KDM2B: variants seen among roughly 807,000 people sequenced by gnomAD.
KDM2B encodes the protein lysine-specific demethylase 2B.
A neutral mutation model predicts 150.0 loss-of-function variants in KDM2B; 26 were observed. That is an observed-to-expected ratio of 0.17 (90% CI 0.13 to 0.24). The LOEUF is 0.24. Ranked by LOEUF, KDM2B falls within the 10% of genes least tolerant of loss-of-function variation. The pLI, the probability that KDM2B is intolerant of heterozygous loss-of-function variation, is 1.00. For synonymous variants in KDM2B, 734 were observed against 729.5 expected (o/e 1.01, Z -0.10); for missense variants, 1,265 against 1,816.9 (o/e 0.70, Z 5.52).
intron 8 of KDM2B, among the ~76,000 whole-genome samples, chr12:121,528,687 G>GT (rs1555307309): frequency 6.6e-6 from 1 of 152,164 alleles, no homozygotes; most frequent in Non-Finnish European, 1.5e-5. Flanking sequence ...GAGGTCAGGA[G>GT]TTTGAGACCA....
intron 13 of KDM2B, among the ~76,000 whole-genome samples, chr12:121,448,860 G>A (rs1047694393): frequency 2.0e-5 from 3 of 152,152 alleles, no homozygotes; most frequent in Non-Finnish European, 2.9e-5. Context: ...ACATTAAGTC[G>A]CTGAAATCCA....
downstream of KDM2B, among the ~76,000 whole-genome samples, chr12:121,427,860 A>G (rs1195461732): frequency 3.3e-5 from 5 of 152,182 alleles, no homozygotes; most frequent in Admixed American, 1.3e-4. Context: ...GCTACTAATG[A>G]GTGACTACGG....
intron 12 of KDM2B, 185 bp downstream of exon 12, chr12:121,494,394 C>G (rs1883684504): frequency 1.5e-5 from 8 of 551,030 alleles, no homozygotes; most frequent in Non-Finnish European, 2.3e-5. Flanking sequence ...GTTCCCACAG[C>G]TAGGTAAAGC....
At chr12:121,501,055 C>T (rs572679291) in intron 11 of KDM2B, among the ~76,000 whole-genome samples, 6 of 151,840 alleles carry the variant, frequency 4.0e-5, no homozygotes, top group Non-Finnish European at 5.9e-5. Flanking sequence ...GAGGCGAGAT[C>T]ACACCATTGA....
intron 11 of KDM2B, among the ~76,000 whole-genome samples, chr12:121,507,395 G>A (rs1381705686): frequency 6.6e-6 from 1 of 152,184 alleles, no homozygotes; most frequent in African/African-American, 2.4e-5. Flanking sequence ...AGGGTTGTTG[G>A]AAGGTTTCAA....
At chr12:121,536,945 A>C (rs2141654577) in intron 6 of KDM2B, among the ~76,000 whole-genome samples, 1 of 152,256 alleles carries the variant, frequency 6.6e-6, no homozygotes, top group African/African-American at 2.4e-5. Flanking sequence ...ACGTGCAGAA[A>C]AGAATCGCTG....
the KDM2B span, chr12:121,420,533 C>G: frequency 6.2e-7 from 1 of 1,602,030 alleles, no homozygotes; most frequent in Non-Finnish European, 8.6e-7. Context: ...TGGGGAGGGT[C>G]TGGACTTATG....
the KDM2B span, chr12:121,416,170 G>T: frequency 2.5e-6 from 4 of 1,614,028 alleles, no homozygotes; most frequent in Non-Finnish European, 3.4e-6. Context: ...CGGGTGCCAC[G>T]TCTATGTGGG....
intron 12 of KDM2B, among the ~76,000 whole-genome samples, chr12:121,477,230 C>G (rs1881484882): frequency 6.6e-6 from 1 of 152,092 alleles, no homozygotes; most frequent in Admixed American, 6.6e-5. Context: ...GCCACCACAC[C>G]AGGCTAATTT....
intron 4 of KDM2B, among the ~76,000 whole-genome samples, chr12:121,561,256 A>G (rs577750587): frequency 7.2e-5 from 11 of 152,118 alleles, no homozygotes; most frequent in South Asian, 2.1e-4. Flanking sequence ...CGCGACCCCA[A>G]ACTCCCCAGA....
chr12:121,430,866 C>T lies in KDM2B; in HGVS notation c.3830-397G>A, dbSNP rs1457440951. ...GATGAGTACTGCTCTATGTCTATTA[C>T]TGTGCATTTATTTGCCTCCTCCCTT... On this transcript the variant is annotated intron_variant, in intron 22 of 22. Coordinates refer to ENST00000377071, the MANE Select transcript of KDM2B (RefSeq NM_032590.5). This position sits in a 1 kb window ranked among gnomAD's most constrained non-coding sequence, Gnocchi z 4.4. 6.6e-6 allele frequency among the ~76,000 whole-genome samples: 1 copy of T among 152,204 alleles called. No individual in the cohort carries two copies. Among genetic ancestry groups the T allele is most frequent in the Non-Finnish European group, 1.5e-5 (1 of 68,034 alleles).
At chr12:121,564,069 C>T (rs115969352) in intron 4 of KDM2B, among the ~76,000 whole-genome samples, 3,174 of 151,346 alleles carry the variant, frequency 0.021, 117 homozygotes, top group African/African-American at 0.073. Flanking sequence ...GAGCTGTAAT[C>T]ACACAACTGG....
intron 11 of KDM2B, among the ~76,000 whole-genome samples, chr12:121,501,739 G>A (rs1555301973): frequency 6.6e-6 from 1 of 152,120 alleles, no homozygotes; most frequent in South Asian, 2.1e-4. Context: ...TCCTGCCTCA[G>A]CCTCCAGAGT....
intron 12 of KDM2B, among the ~76,000 whole-genome samples, chr12:121,464,938 G>A (rs1555294481): frequency 6.6e-6 from 1 of 152,078 alleles, no homozygotes; most frequent in African/African-American, 2.4e-5. Context: ...TGAGAAAACT[G>A]TTGAGGAAAG....
intron 8 of KDM2B, among the ~76,000 whole-genome samples, chr12:121,529,701 G>A (rs906382427): frequency 7.2e-5 from 11 of 151,894 alleles, no homozygotes; most frequent in South Asian, 4.2e-4. Flanking sequence ...AGGCCGAGGC[G>A]GGTGGATCAC....
chr12:121,523,043 C>T (rs1335571734), intron 8 of KDM2B, among the ~76,000 whole-genome samples: 3 of 152,230 alleles, frequency 2.0e-5, no homozygotes, highest in Admixed American at 6.5e-5. Context: ...TGGCTCCTGG[C>T]TGCCGGGTCA....
intron 6 of KDM2B, chr12:121,536,232 G>A (rs1594075715): frequency 3.4e-6 from 1 of 290,368 alleles, no homozygotes; most frequent in African/African-American, 2.3e-5. Context: ...GGGCTCAGCA[G>A]TATGCAGGCG....
chr12:121,507,042 A>G (rs1228457228), intron 11 of KDM2B, among the ~76,000 whole-genome samples: 3 of 151,190 alleles, frequency 2.0e-5, no homozygotes, highest in Admixed American at 2.0e-4. Flanking sequence ...GCTTGCAGTA[A>G]GCCGAGATCA....
In KDM2B at chr12:121,444,267, C is replaced by T. The variant is rs782376732; in HGVS notation, c.2196G>A (p.Lys732=). 2 of 1,613,688 alleles carry T rather than the reference C, an allele frequency of 1.2e-6. No homozygotes were observed. The highest frequency in any genetic ancestry group is 1.7e-5 in the Admixed American group (1 of 59,982). The part of the protein sequence containing the change: ...CNHAGKTGKQ[K]RGPGFKYASN... The stretch of plus-strand genomic sequence containing the variant: ...AGGCGTACTTAAAGCCAGGGCCACG[C>T]TTTTGCTTGTAGGCCAAAAAGAGAG... The change falls in exon 16 of 23, where the codon AAG becomes AAA. Residue 732 remains lysine (K), a synonymous_variant. Coordinates refer to ENST00000377071, the MANE Select transcript of KDM2B (RefSeq NM_032590.5).
Sources: gnomAD v4.1 joint callset for allele counts (sites outside exome capture counted in the v4.1 genomes callset) on GRCh38, gnomAD v4.1.1 for gene constraint, Gnocchi (gnomAD v3.1) non-coding constraint, MANE v1.5 for transcripts, NCBI Gene and HGNC (gene_info 2026-07-23, HGNC 2026-07-21) for gene names.